Variants in DOCK2 observed in about 807,000 individuals in gnomAD.
DOCK2 encodes dedicator of cytokinesis 2.
A neutral mutation model predicts 248.9 loss-of-function variants in DOCK2; 87 were observed. That is an observed-to-expected ratio of 0.35 (90% CI 0.29 to 0.42). DOCK2 has a LOEUF of 0.42. DOCK2 is among the 10% of genes least tolerant of loss of function. DOCK2 has a pLI of 1.00. For missense variants in DOCK2, 1,747 were observed against 2,300.2 expected (o/e 0.76, Z 4.92); for synonymous variants, 805 against 821.6 (o/e 0.98, Z 0.35).
intron 22 of DOCK2, among the ~76,000 whole-genome samples, chr5:169,720,578 C>G (rs1412262190): frequency 2.6e-5 from 4 of 152,082 alleles, no homozygotes; most frequent in Non-Finnish European, 4.4e-5. Flanking sequence ...CTCAAGGGTT[C>G]TGAGCTTGTG....
At chr5:170,082,759 C>T (rs770256544) in intron 51 of DOCK2, 37 bp from the exon 52 acceptor site, 35 of 1,613,130 alleles carry the variant, frequency 2.2e-5, no homozygotes, top group Middle Eastern at 1.6e-4. Context: ...ATCTGATAAT[C>T]GCATCTTGGT....
Position 169,729,917 on chromosome 5 carries a change from GAAT to G in DOCK2, c.2267+11127_2267+11129del, listed in dbSNP as rs1332153086. Among the ~76,000 whole-genome samples, 4 of 152,170 alleles carry G rather than the reference GAAT, an allele frequency of 2.6e-5. No individual in the cohort carries two copies. The East Asian group carries it at 7.7e-4, about 29-fold the overall frequency. ...CTGGTCTAAAGTGGGGATTACCTCA[GAAT>G]GTTATTGTGAGGGTTCTGAAAATGT... On this transcript the variant is annotated intron_variant, in intron 22 of 51. Coordinates refer to ENST00000520908, the MANE Select transcript of DOCK2 (RefSeq NM_004946.3).
chr5:169,708,629 A>T (rs1012688884), intron 15 of DOCK2, among the ~76,000 whole-genome samples: 10 of 149,824 alleles, frequency 6.7e-5, no homozygotes, highest in Non-Finnish European at 1.2e-4. Flanking sequence ...TAGTTTTACC[A>T]TCTCTGCTCA....
At chr5:170,026,692 A>G (rs143256449) in intron 33 of DOCK2, among the ~76,000 whole-genome samples, 17 of 152,356 alleles carry the variant, frequency 1.1e-4, no homozygotes, top group African/African-American at 3.8e-4. Flanking sequence ...CAATGCGTTG[A>G]ATAAGCCATG....
chr5:169,645,426 T>C (rs1466347568), intron 1 of DOCK2, among the ~76,000 whole-genome samples: 1 of 152,224 alleles, frequency 6.6e-6, no homozygotes, highest in Non-Finnish European at 1.5e-5. Context: ...GTCTTCTTTC[T>C]AGAAGTGTCT....
chr5:170,041,950 G>A (rs1277975329), intron 37 of DOCK2, 63 bp from the exon 38 acceptor site: 1 of 1,581,508 alleles, frequency 6.3e-7, no homozygotes, highest in Non-Finnish European at 8.6e-7. Context: ...TTTAATCCTA[G>A]GAAGACACCT....
chr5:169,772,453 A>G (rs1765142470), intron 25 of DOCK2, among the ~76,000 whole-genome samples: 1 of 152,230 alleles, frequency 6.6e-6, no homozygotes, highest in Non-Finnish European at 1.5e-5. Context: ...TAGTAAAAAC[A>G]ACATCAGCAG....
At chr5:169,956,022 G>C (rs113651247) in intron 27 of DOCK2, among the ~76,000 whole-genome samples, 2 of 151,774 alleles carry the variant, frequency 1.3e-5, no homozygotes, top group African/African-American at 4.8e-5. Flanking sequence ...AGTCAAATGT[G>C]GGGGAGACAT....
At chr5:169,842,434 T>C (rs1361765490) in intron 27 of DOCK2, among the ~76,000 whole-genome samples, 2 of 151,530 alleles carry the variant, frequency 1.3e-5, no homozygotes, top group Non-Finnish European at 2.9e-5. Flanking sequence ...CTCGGCTCAC[T>C]GCAACCTCCA....
chr5:169,657,366 G>A (rs954740485), intron 2 of DOCK2, among the ~76,000 whole-genome samples: 1 of 152,292 alleles, frequency 6.6e-6, no homozygotes, highest in South Asian at 2.1e-4. Context: ...AGTCAAAACT[G>A]TGTAGTAGAA....
intron 27 of DOCK2, among the ~76,000 whole-genome samples, chr5:169,852,778 T>C (rs1483091656): frequency 6.6e-6 from 1 of 152,196 alleles, no homozygotes; most frequent in African/African-American, 2.4e-5. Context: ...CCTTTCAATC[T>C]TTCCTGCATT....
chr5:169,981,462 C>T (rs2113783448), intron 27 of DOCK2, among the ~76,000 whole-genome samples: 1 of 152,288 alleles, frequency 6.6e-6, no homozygotes, highest in East Asian at 1.9e-4. Context: ...CCTGTGCTCA[C>T]TTCGTATCTC....
rs528209264 is a variant in DOCK2 at position 169,987,080 on chromosome 5, G to A, written c.2993+1158G>A. Among the ~76,000 whole-genome samples, 6 of 152,336 alleles carry A rather than the reference G, an allele frequency of 3.9e-5. No individual in the cohort carries two copies. The South Asian group carries it at 6.2e-4, about 16-fold the overall frequency. On this transcript the variant is annotated intron_variant, in intron 29 of 51. Transcript: ENST00000520908. ...ATGGATGTATCTAGGTGCTCAAATA[G>A]CAATGTAGGGAATCTGTGTGTGTGT... is the stretch of plus-strand genomic sequence containing the variant.
intron 26 of DOCK2, among the ~76,000 whole-genome samples, chr5:169,827,917 A>G (rs1768974415): frequency 6.6e-6 from 1 of 151,954 alleles, no homozygotes; most frequent in Non-Finnish European, 1.5e-5. Context: ...CGAGGCACAC[A>G]CTCTGTTGGC....
At position 170,061,280 on chromosome 5, in the gene DOCK2, C is replaced by T. The variant is rs141242072; in HGVS notation, c.4467+3614C>T. 1.7e-3 allele frequency among the ~76,000 whole-genome samples: 252 copies of T among 152,288 alleles called. No homozygotes were observed. In the Middle Eastern group the frequency reaches 0.034, roughly 21 times the overall value. On this transcript the variant is annotated intron_variant, in intron 44 of 51. Transcript: ENST00000520908. ...AGGGCTAGATTAAGTCCCAACAGCCCGTTGATAGCAAGTGTGGTATCAAAG... is the reference window on the plus strand; with the variant it reads ...AGGGCTAGATTAAGTCCCAACAGCCTGTTGATAGCAAGTGTGGTATCAAAG...
At chr5:169,941,681 T>A (rs1407130841) in intron 27 of DOCK2, among the ~76,000 whole-genome samples, 1 of 152,162 alleles carries the variant, frequency 6.6e-6, no homozygotes, top group East Asian at 1.9e-4. Context: ...TATGGCATGA[T>A]TTTATTGGAA....
At chr5:169,934,515 C>T in intron 27 of DOCK2, 1 of 398,958 alleles carries the variant, frequency 2.5e-6, no homozygotes, top group South Asian at 1.9e-5. Context: ...TGCTTATCAG[C>T]ACCCACATTT....
intron 27 of DOCK2, chr5:169,883,275 A>T: frequency 1.3e-6 from 2 of 1,551,602 alleles, no homozygotes; most frequent in Non-Finnish European, 1.7e-6. Context: ...GACTGTGATA[A>T]ATATCATCTG....
chr5:169,752,205 G>A (rs1022391718), intron 23 of DOCK2, among the ~76,000 whole-genome samples: 1 of 152,108 alleles, frequency 6.6e-6, no homozygotes, highest in African/African-American at 2.4e-5. Context: ...AGGCCAATTT[G>A]CCCCACTCTC....
Sources: gnomAD v4.1 joint callset for allele counts (sites outside exome capture counted in the v4.1 genomes callset) on GRCh38, gnomAD v4.1.1 for gene constraint, MANE v1.5 for transcripts, NCBI Gene and HGNC (gene_info 2026-07-23, HGNC 2026-07-21) for gene names.